GPC6: variants seen among roughly 807,000 people sequenced by gnomAD.
GPC6 encodes glypican-6.
A neutral mutation model predicts 55.2 loss-of-function variants in GPC6; 14 were observed. The observed-to-expected ratio is 0.25, with a 90% CI of 0.17 to 0.40. The LOEUF (loss-of-function observed/expected upper bound fraction) is 0.40. Among genes scored for constraint, GPC6 ranks in the 10% least tolerant of loss-of-function variants. GPC6 has a pLI of 1.00. For synonymous variants in GPC6, 278 were observed against 259.6 expected (o/e 1.07, Z -0.68); for missense variants, 641 against 708.5 (o/e 0.90, Z 1.08).
At chr13:94,309,147 G>T (rs937133648) in intron 6 of GPC6, among the ~76,000 whole-genome samples, 1 of 152,138 alleles carries the variant, frequency 6.6e-6, no homozygotes, top group Non-Finnish European at 1.5e-5. Flanking sequence ...GAGGATAATT[G>T]GAAAAGATTT....
intron 1 of GPC6, among the ~76,000 whole-genome samples, chr13:93,408,018 CT>C (rs906743955): frequency 3.2e-4 from 49 of 152,158 alleles, no homozygotes; most frequent in African/African-American, 1.2e-3. Context: ...AGGTTTTATC[CT>C]TTTTTCATAA....
intron 3 of GPC6, among the ~76,000 whole-genome samples, chr13:93,874,677 A>T (rs9589861): frequency 2.0e-5 from 3 of 150,364 alleles, no homozygotes; most frequent in African/African-American, 7.4e-5. Flanking sequence ...ATAGACTCTG[A>T]TTCTGTAGGT....
intron 2 of GPC6, among the ~76,000 whole-genome samples, chr13:93,812,802 A>T (rs1250314599): frequency 6.6e-6 from 1 of 152,200 alleles, no homozygotes; most frequent in Non-Finnish European, 1.5e-5. Context: ...TAATTGCTTC[A>T]TGTATATCAT....
At chr13:94,174,908 A>G (rs1443707236) in intron 4 of GPC6, among the ~76,000 whole-genome samples, 2 of 152,108 alleles carry the variant, frequency 1.3e-5, no homozygotes, top group African/African-American at 2.4e-5. Flanking sequence ...GTGCAGCTCA[A>G]TTGACTTTTA....
At chr13:93,565,782 C>T (rs950442967) in intron 2 of GPC6, among the ~76,000 whole-genome samples, 1 of 151,890 alleles carries the variant, frequency 6.6e-6, no homozygotes, top group Non-Finnish European at 1.5e-5. Context: ...ATTAGCTGGG[C>T]TTAGTGGCAC....
At chr13:93,822,465 A>G (rs537126312) in intron 2 of GPC6, among the ~76,000 whole-genome samples, 72 of 152,236 alleles carry the variant, frequency 4.7e-4, no homozygotes, top group Middle Eastern at 3.4e-3. Flanking sequence ...ATTTTATTAC[A>G]CTTTACATTC....
chr13:94,129,173 C>G (rs1463489062), intron 4 of GPC6, among the ~76,000 whole-genome samples: 1 of 152,008 alleles, frequency 6.6e-6, no homozygotes. Flanking sequence ...GTATTTAGAA[C>G]AAACAATATA....
intron 5 of GPC6, among the ~76,000 whole-genome samples, chr13:94,294,130 C>T (rs1215376535): frequency 1.3e-5 from 2 of 152,122 alleles, no homozygotes; most frequent in Non-Finnish European, 2.9e-5. Context: ...AAACCTGAAT[C>T]TCTGCCTTTG....
intron 2 of GPC6, among the ~76,000 whole-genome samples, chr13:93,625,284 G>T (rs1021687412): frequency 6.6e-6 from 1 of 152,078 alleles, no homozygotes; most frequent in African/African-American, 2.4e-5. Flanking sequence ...TTCCATAAAA[G>T]AGTGGAAATG....
intron 2 of GPC6, among the ~76,000 whole-genome samples, chr13:93,721,488 C>T (rs1883452794): frequency 1.3e-5 from 2 of 151,550 alleles, no homozygotes; most frequent in African/African-American, 4.8e-5. Context: ...TGGCAAAATG[C>T]AAACACAAAT....
chr13:93,740,748 C>T (rs1025647064), intron 2 of GPC6, among the ~76,000 whole-genome samples: 1 of 152,112 alleles, frequency 6.6e-6, no homozygotes, highest in African/African-American at 2.4e-5. Context: ...AAGAACAATT[C>T]TAAAATGATT....
intron 3 of GPC6, among the ~76,000 whole-genome samples, chr13:93,863,887 G>T (rs1888886497): frequency 6.6e-6 from 1 of 151,680 alleles, no homozygotes; most frequent in African/African-American, 2.4e-5. Context: ...GATTTATCAG[G>T]AACGTTTTGG....
chr13:94,114,625 A>G (rs761211585), intron 4 of GPC6, among the ~76,000 whole-genome samples: 2 of 152,130 alleles, frequency 1.3e-5, no homozygotes, highest in Non-Finnish European at 2.9e-5. Context: ...CCTCAGGTGT[A>G]CGTATAGAAG....
intron 4 of GPC6, among the ~76,000 whole-genome samples, chr13:94,195,659 C>T (rs1272977478): frequency 6.6e-6 from 1 of 152,174 alleles, no homozygotes; most frequent in East Asian, 1.9e-4. Context: ...AAATAAAGAA[C>T]TCAGTGCAAT....
intron 2 of GPC6, among the ~76,000 whole-genome samples, chr13:93,703,970 C>A (rs1307413723): frequency 6.6e-6 from 1 of 151,918 alleles, no homozygotes; most frequent in African/African-American, 2.4e-5. Flanking sequence ...TTAAACATTA[C>A]AATTAAACTA....
At chr13:93,506,794 A>C (rs1234195681) in intron 1 of GPC6, among the ~76,000 whole-genome samples, 1 of 149,556 alleles carries the variant, frequency 6.7e-6, no homozygotes, top group Non-Finnish European at 1.5e-5. Flanking sequence ...TAATCCCGGC[A>C]CTTTGGGAGG....
At chr13:94,173,519 G>A (rs911076570) in intron 4 of GPC6, among the ~76,000 whole-genome samples, 6 of 152,118 alleles carry the variant, frequency 3.9e-5, no homozygotes, top group African/African-American at 1.4e-4. Context: ...TGAAAAAGAT[G>A]ACCTCAAGGG....
intron 1 of GPC6, among the ~76,000 whole-genome samples, chr13:93,484,757 T>C (rs1344391776): frequency 6.6e-6 from 1 of 152,156 alleles, no homozygotes; most frequent in Admixed American, 6.6e-5. Context: ...TAATTATAGC[T>C]TAGTAACTCA....
intron 1 of GPC6, chr13:93,395,274 C>A (rs549312344): frequency 1.7e-5 from 8 of 483,002 alleles, no homozygotes; most frequent in Admixed American, 9.4e-5. Context: ...TTTCCAGAAC[C>A]ACTTTGACCT....
Sources: gnomAD v4.1 joint callset for allele counts (sites outside exome capture counted in the v4.1 genomes callset) on GRCh38, gnomAD v4.1.1 for gene constraint, MANE v1.5 for transcripts, NCBI Gene and HGNC (gene_info 2026-07-23, HGNC 2026-07-21) for gene names.